Variants in PTCD1 observed in about 807,000 individuals in gnomAD.
PTCD1 encodes the protein pentatricopeptide repeat domain 1, also known as pentatricopeptide repeat-containing protein 1, mitochondrial.
Under a neutral mutation model 53.4 loss-of-function variants are expected in PTCD1, and 50 were observed. The observed-to-expected ratio is 0.94, with a 90% CI of 0.75 to 1.19. PTCD1 has a LOEUF of 1.19. PTCD1 is among the 50% of genes most tolerant of loss of function. PTCD1 has a pLI of 0.00. For synonymous variants in PTCD1, 413 were observed against 394.8 expected, an observed-to-expected ratio of 1.05 and a Z score of -0.55; for missense variants, 918 against 904.8, an observed-to-expected ratio of 1.01 and a Z score of -0.19.
chr7:99,437,324 CTT>C (rs879615507), intron 1 of PTCD1, among the ~76,000 whole-genome samples: 6 of 143,246 alleles, frequency 4.2e-5, no homozygotes, highest in African/African-American at 5.3e-5. Flanking sequence ...CTTTTCTTTT[CTT>C]TTTTTTTTTT....
Position 99,417,410 on chromosome 7 carries a change from T to A in PTCD1, c.*2557A>T, listed in dbSNP as rs191886523. Reference sequence around the variant, plus strand: ...TTTTTAGACCATGGCCTGATGCTCTTTCCCCATCTTTTTGACAGAACTCTA... The same window carrying A: ...TTTTTAGACCATGGCCTGATGCTCTATCCCCATCTTTTTGACAGAACTCTA... On this transcript the variant is annotated 3_prime_UTR_variant, in exon 8 of 8. Transcript: ENST00000292478. 1.3e-4 allele frequency: 209 copies of A among 1,612,872 alleles called. No individual in the cohort carries two copies. In the Middle Eastern group the frequency reaches 2.0e-3, roughly 15 times the overall value.
chr7:99,425,300 T>C lies in PTCD1; in HGVS notation c.1232A>G (p.Gln411Arg). The C allele has an allele frequency of 6.2e-7, 1 of 1,614,130 alleles. No individual in the cohort carries two copies. Among genetic ancestry groups the C allele is most frequent in the Non-Finnish European group, 8.5e-7 (1 of 1,180,006 alleles). The change falls in exon 6 of 8, where the codon CAA (glutamine) becomes CGA (arginine). Residue 411 changes from glutamine to arginine, a missense_variant. Physicochemically the swap from Gln to Arg is conservative, Grantham distance 43. Coordinates refer to ENST00000292478, the MANE Select transcript of PTCD1 (RefSeq NM_015545.4). The stretch of plus-strand genomic sequence containing the variant: ...CTCTGCCTTAGTATCCACCTCTGGT[T>C]GGGCCTTGCCGGGCACTCTGGCTTC... ...PPEARVPGKA[Q>R]PEVDTKAEPS...
chr7:99,438,618 C>G (rs1796595464), intron 1 of PTCD1, 74 bp downstream of exon 1: 1 of 1,167,692 alleles, frequency 8.6e-7, no homozygotes, highest in Non-Finnish European at 1.1e-6. Flanking sequence ...AATCCCGGCT[C>G]GGGCACTTCC....
rs1026409504 is a variant in PTCD1, at chr7:99,419,657, C to T, written c.*310G>A. On this transcript the variant is annotated 3_prime_UTR_variant, in exon 8 of 8. Coordinates refer to ENST00000292478, the MANE Select transcript of PTCD1 (RefSeq NM_015545.4). ...TTTCAGAGCATCGGCCTATGGAACC[C>T]GGCGGGGCGGCCCAGGCCCCAGGGA... 2.3e-5 allele frequency: 17 copies of T among 729,772 alleles called. No homozygotes were observed. Among genetic ancestry groups the T allele is most frequent in the African/African-American group, 5.3e-5 (3 of 56,124 alleles). The allele number at this position is 729,772 out of a possible 1,614,324, so 45.2% of individuals were successfully genotyped here. A position where few individuals can be genotyped will look rare whatever the true frequency, so the allele number is the denominator to read the frequency against.
Position 99,424,895 on chromosome 7 carries a change from A to C in PTCD1, c.1637T>G (p.Leu546Arg). ...GTTGGGGACGAGGCCCCTCTTTGCC[A>C]GGACCGGCAACAGCGCCTTGGCCCC... ...LEGAKALLPV[L>R]AKRGLVPNLQ... The change falls in exon 6 of 8, where the codon CTG becomes CGG. Residue 546 changes from leucine to arginine, a missense_variant. Coordinates refer to ENST00000292478, the MANE Select transcript of PTCD1 (RefSeq NM_015545.4). 1 of 1,614,258 alleles carries C rather than the reference A, an allele frequency of 6.2e-7. No individual in the cohort carries two copies. The highest frequency in any genetic ancestry group is 8.5e-7 in the Non-Finnish European group (1 of 1,180,050).
chr7:99,433,849 C>T (rs564922404), intron 2 of PTCD1, among the ~76,000 whole-genome samples: 18 of 151,988 alleles, frequency 1.2e-4, no homozygotes, highest in East Asian at 1.2e-3. Context: ...GTCAGGAATT[C>T]GAGACCAGCC....
intron 5 of PTCD1, among the ~76,000 whole-genome samples, chr7:99,428,623 C>G (rs1270878428): frequency 6.6e-6 from 1 of 151,928 alleles, no homozygotes; most frequent in Non-Finnish European, 1.5e-5. Flanking sequence ...CGCCTGTAAT[C>G]TCAACTACTC....
chr7:99,420,796 A>C (rs1309458891), intron 7 of PTCD1, among the ~76,000 whole-genome samples: 1 of 152,092 alleles, frequency 6.6e-6, no homozygotes, highest in Non-Finnish European at 1.5e-5. Flanking sequence ...ATCTCTACTA[A>C]AAATACTGGA....
intron 7 of PTCD1, among the ~76,000 whole-genome samples, chr7:99,421,568 C>A (rs893345290): frequency 6.7e-6 from 1 of 149,472 alleles, no homozygotes; most frequent in Non-Finnish European, 1.5e-5. Context: ...GATGGTGAAA[C>A]CCCGTCTCTA....
Position 99,425,089 on chromosome 7 carries a change from G to A in PTCD1, c.1443C>T (p.His481=), listed in dbSNP as rs1307468639. The A allele has an allele frequency of 6.2e-7, 1 of 1,613,970 alleles. No homozygotes were observed. Among genetic ancestry groups the A allele is most frequent in the Non-Finnish European group, 8.5e-7 (1 of 1,180,052 alleles). The change falls in exon 6 of 8, where the codon CAC becomes CAT. Residue 481 remains histidine (H), a synonymous_variant. Coordinates refer to ENST00000292478, the MANE Select transcript of PTCD1 (RefSeq NM_015545.4). The stretch of plus-strand genomic sequence containing the variant: ...GGGTCCTGATGTCGGGCTGCTGCCT[G>A]TGCTCTGCCATCTTGCTCAGGAAGC... ...LEGFLSKMAE[H]RQQPDIRTLT... is the part of the protein sequence containing the mutation.
At chr7:99,428,822 C>G (rs896046489) in intron 5 of PTCD1, among the ~76,000 whole-genome samples, 1 of 146,672 alleles carries the variant, frequency 6.8e-6, no homozygotes, top group Non-Finnish European at 1.5e-5. Context: ...AACAAGTCCC[C>G]AGGTGAGTGT....
intron 3 of PTCD1, 146 bp from the exon 4 acceptor site, chr7:99,429,952 G>C: frequency 2.9e-6 from 3 of 1,031,822 alleles, no homozygotes; most frequent in Non-Finnish European, 4.4e-6. Context: ...GGACACATCA[G>C]AGCCCAGCTC....
In PTCD1 at chr7:99,429,269, C is replaced by A. The variant is rs1796171527; in HGVS notation, c.814-65G>T. ...GCAGGCTGGGCATGGTAGCTCATGT[C>A]TGTAATCCTGGCACATTGGGAGGCC... On this transcript the variant is annotated intron_variant, in intron 4 of 7. Transcript: ENST00000292478. 7 of 1,589,298 alleles carry A rather than the reference C, an allele frequency of 4.4e-6. No individual in the cohort carries two copies. In the East Asian group the frequency reaches 1.1e-4, roughly 25 times the overall value.
intron 6 of PTCD1, 57 bp downstream of exon 6, chr7:99,424,738 A>G: frequency 1.2e-6 from 2 of 1,602,040 alleles, no homozygotes; most frequent in Non-Finnish European, 1.7e-6. Context: ...TTTCCTCCTG[A>G]GCTGCAGAGT....
intron 2 of PTCD1, 77 bp from the exon 3 acceptor site, chr7:99,433,495 G>C: frequency 6.2e-7 from 1 of 1,610,342 alleles, no homozygotes; most frequent in Non-Finnish European, 8.5e-7. Context: ...GGTTGAAGCT[G>C]AGGGACCCTC....
chr7:99,425,517 C>A lies in PTCD1; in HGVS notation c.1015G>T (p.Val339Leu), dbSNP rs753568413. Residue 339 changes from valine to leucine, a missense_variant, in exon 6 of 8, where the codon GTG becomes TTG. Coordinates refer to ENST00000292478, the MANE Select transcript of PTCD1 (RefSeq NM_015545.4). The part of the protein sequence containing the change: ...ARDCGLGDPQ[V>L]ASELLLKPRE... ...GGCTTCAGAAGCAGCTCTGAGGCCA[C>A]CTGGGGGTCCCCTAGGCCACAGTCC... 4 of 1,612,166 alleles carry A rather than the reference C, an allele frequency of 2.5e-6. No homozygotes were observed. In the South Asian group the frequency reaches 4.4e-5, roughly 18 times the overall value.
intron 1 of PTCD1, among the ~76,000 whole-genome samples, chr7:99,437,948 A>G (rs578161196): frequency 9.2e-5 from 14 of 152,202 alleles, no homozygotes; most frequent in South Asian, 8.3e-4. Context: ...TACAGGTGTG[A>G]GCCACCATGC....
At chr7:99,420,921 T>A (rs1362104193) in intron 7 of PTCD1, among the ~76,000 whole-genome samples, 1 of 151,768 alleles carries the variant, frequency 6.6e-6, no homozygotes, top group East Asian at 1.9e-4. Flanking sequence ...CACTCCAGCC[T>A]GGGCGACAGA....
chr7:99,419,753 A>C lies in PTCD1; in HGVS notation c.*214T>G. 1.3e-6 allele frequency: 1 copy of C among 765,048 alleles called. No individual in the cohort carries two copies. The allele number at this position is 765,048 out of a possible 1,614,324, so 47.4% of individuals were successfully genotyped here. On this transcript the variant is annotated 3_prime_UTR_variant, in exon 8 of 8. Coordinates refer to ENST00000292478, the MANE Select transcript of PTCD1 (RefSeq NM_015545.4). ...GTAGCTGGAGCTGGAAGTCCCGTGA[A>C]GGTGACACGCAAAGGTGGCTGGAGC...
Sources: gnomAD v4.1 joint callset for allele counts (sites outside exome capture counted in the v4.1 genomes callset) on GRCh38, gnomAD v4.1.1 for gene constraint, MANE v1.5 for transcripts, NCBI Gene and HGNC (gene_info 2026-07-23, HGNC 2026-07-21) for gene names.